LSAMP: variants seen among roughly 807,000 people sequenced by gnomAD.
LSAMP encodes the protein limbic system-associated membrane protein.
Under a neutral mutation model 38.6 loss-of-function variants are expected in LSAMP, and 7 were observed. The ratio of observed to expected loss-of-function variants is 0.18; its 90% CI spans 0.10 to 0.34. The LOEUF (loss-of-function observed/expected upper bound fraction) is 0.34. LSAMP is among the 10% of genes least tolerant of loss of function. The probability of loss-of-function intolerance (pLI) is 1.00; values close to 1 mark genes in which losing one functional copy is unlikely to be tolerated. For missense variants in LSAMP, 313 were observed against 420.0 expected (o/e 0.75, Z 2.23); for synonymous variants, 154 against 166.8 (o/e 0.92, Z 0.59).
intron 1 of LSAMP, among the ~76,000 whole-genome samples, chr3:116,295,878 G>A (rs2047326023): frequency 6.6e-6 from 1 of 152,086 alleles, no homozygotes; most frequent in Non-Finnish European, 1.5e-5. Flanking sequence ...ATTAAGAAGG[G>A]GACTAGAGTG....
At chr3:116,073,579 C>A (rs922733399) in intron 2 of LSAMP, among the ~76,000 whole-genome samples, 3 of 152,102 alleles carry the variant, frequency 2.0e-5, no homozygotes, top group Non-Finnish European at 4.4e-5. Context: ...TGTGTCCTCT[C>A]TGATTTCCTT....
At chr3:115,939,581 T>TTTCTTTCG (rs1221412986) in intron 3 of LSAMP, among the ~76,000 whole-genome samples, 57 of 150,872 alleles carry the variant, frequency 3.8e-4, no homozygotes, top group African/African-American at 1.3e-3. Flanking sequence ...TCTTTCTTTC[T>TTTCTTTCG]TTCTGTTAAG....
chr3:115,885,077 G>T (rs1936417777), intron 3 of LSAMP, among the ~76,000 whole-genome samples: 1 of 152,038 alleles, frequency 6.6e-6, no homozygotes, highest in African/African-American at 2.4e-5. Context: ...GGAACTTACA[G>T]AAGTGAAGAG....
intron 1 of LSAMP, among the ~76,000 whole-genome samples, chr3:116,350,489 C>A (rs151136191): frequency 6.6e-6 from 1 of 152,046 alleles, no homozygotes; most frequent in Non-Finnish European, 1.5e-5. Context: ...GTGATAAAAT[C>A]TCAGATCAAT....
chr3:116,393,775 G>A (rs2048733331), intron 1 of LSAMP, among the ~76,000 whole-genome samples: 1 of 152,230 alleles, frequency 6.6e-6, no homozygotes, highest in Non-Finnish European at 1.5e-5. Context: ...AGTCTGTAGA[G>A]ATAAGGTTTT....
intron 3 of LSAMP, among the ~76,000 whole-genome samples, chr3:115,961,658 C>T (rs1255309356): frequency 2.0e-5 from 3 of 152,190 alleles, no homozygotes; most frequent in African/African-American, 7.2e-5. Context: ...GCAATGAGAA[C>T]ACCACGTGGG....
At chr3:116,442,389 A>G (rs1000309093) in intron 1 of LSAMP, among the ~76,000 whole-genome samples, 1 of 152,164 alleles carries the variant, frequency 6.6e-6, no homozygotes, top group Non-Finnish European at 1.5e-5. Flanking sequence ...GTGGCTTCCA[A>G]TGAATCAAGT....
chr3:116,001,276 G>T (rs1434978080), intron 3 of LSAMP, among the ~76,000 whole-genome samples: 1 of 152,084 alleles, frequency 6.6e-6, no homozygotes, highest in Non-Finnish European at 1.5e-5. Flanking sequence ...TTGAATATTA[G>T]TCACCAGTAA....
At chr3:116,202,753 T>C (rs1483507026) in intron 1 of LSAMP, among the ~76,000 whole-genome samples, 5 of 152,110 alleles carry the variant, frequency 3.3e-5, no homozygotes, top group African/African-American at 1.2e-4. Context: ...CCTAAATATA[T>C]TCAACACTAG....
At chr3:115,961,970 C>T (rs190790403) in intron 3 of LSAMP, among the ~76,000 whole-genome samples, 1 of 152,320 alleles carries the variant, frequency 6.6e-6, no homozygotes, top group African/African-American at 2.4e-5. Context: ...GGTCCTGGAA[C>T]TACCTGTTGT....
At chr3:116,416,864 A>G (rs1168030197) in intron 1 of LSAMP, among the ~76,000 whole-genome samples, 1 of 152,014 alleles carries the variant, frequency 6.6e-6, no homozygotes, top group East Asian at 1.9e-4. Context: ...AATAATAACT[A>G]ATACATATTA....
rs570828783 is a variant in LSAMP at position 116,439,526 on chromosome 3, G to A, written c.155+5351C>T. Among the ~76,000 whole-genome samples, 8 of 110,394 alleles carry A rather than the reference G, an allele frequency of 7.2e-5. 1 individual carries two copies. Among genetic ancestry groups the A allele is most frequent in the African/African-American group, 2.7e-4 (8 of 29,358 alleles). The allele number at this position is 110,394 out of a possible 152,430, so 72.4% of individuals were successfully genotyped here. ...CCTCCACATACACACTGAAATTTGA[G>A]ACACACTGGCCTAAAAAAAAAGAAA... On this transcript the variant is annotated intron_variant, in intron 1 of 6. Coordinates refer to ENST00000490035, the MANE Select transcript of LSAMP (RefSeq NM_002338.5).
chr3:116,107,789 G>C (rs1708502326), intron 1 of LSAMP, among the ~76,000 whole-genome samples: 1 of 152,176 alleles, frequency 6.6e-6, no homozygotes, highest in African/African-American at 2.4e-5. Context: ...GAATAGTAAA[G>C]AAAGCACGTT....
At chr3:115,877,243 C>G (rs936176582) in intron 3 of LSAMP, among the ~76,000 whole-genome samples, 11 of 151,826 alleles carry the variant, frequency 7.2e-5, no homozygotes, top group Non-Finnish European at 1.5e-4. Context: ...TATCACAACA[C>G]AAAGCTCCCT....
chr3:116,277,497 G>A (rs1285905633), intron 1 of LSAMP, among the ~76,000 whole-genome samples: 1 of 151,716 alleles, frequency 6.6e-6, no homozygotes, highest in Non-Finnish European at 1.5e-5. Context: ...AGCCTCCCGA[G>A]TGGCTGGGAC....
chr3:115,930,163 C>T (rs936049736), intron 3 of LSAMP, among the ~76,000 whole-genome samples: 4 of 151,664 alleles, frequency 2.6e-5, no homozygotes, highest in Non-Finnish European at 5.9e-5. Context: ...GGTTCTGATG[C>T]CATAAAGAAG....
intron 1 of LSAMP, among the ~76,000 whole-genome samples, chr3:116,204,787 CT>C (rs1235565027): frequency 6.7e-6 from 1 of 150,254 alleles, no homozygotes; most frequent in East Asian, 1.9e-4. Flanking sequence ...CAGTACCATG[CT>C]GTTTTGGTTA....
At chr3:115,985,968 G>T (rs984201308) in intron 3 of LSAMP, among the ~76,000 whole-genome samples, 1 of 152,106 alleles carries the variant, frequency 6.6e-6, no homozygotes, top group East Asian at 1.9e-4. Context: ...CTTTTCGATC[G>T]ATTTGTTACC....
At chr3:116,198,219 C>A (rs1445137437) in intron 1 of LSAMP, among the ~76,000 whole-genome samples, 1 of 152,124 alleles carries the variant, frequency 6.6e-6, no homozygotes. Context: ...ATGGTGAAGA[C>A]CACAGTTTAC....
Sources: gnomAD v4.1 joint callset for allele counts (sites outside exome capture counted in the v4.1 genomes callset) on GRCh38, gnomAD v4.1.1 for gene constraint, MANE v1.5 for transcripts, NCBI Gene and HGNC (gene_info 2026-07-23, HGNC 2026-07-21) for gene names.